Variants in DLG2 observed in about 807,000 individuals in gnomAD.
The protein encoded by DLG2 is disks large homolog 2.
DLG2 carries 45 observed loss-of-function variants against 132.5 expected under a neutral mutation model. The observed-to-expected ratio is 0.34, with a 90% confidence interval of 0.27 to 0.44. The LOEUF (loss-of-function observed/expected upper bound fraction) is 0.44, where lower values mean the gene tolerates loss of function less well. Among genes scored for constraint, DLG2 ranks in the 20% least tolerant of loss-of-function variants. The pLI, the probability that DLG2 is intolerant of heterozygous loss-of-function variation, is 1.00. For missense variants in DLG2, 1,045 were observed against 1,196.9 expected (o/e 0.87, Z 1.87); for synonymous variants, 424 against 419.6 (o/e 1.01, Z -0.13).
intron 3 of DLG2, among the ~76,000 whole-genome samples, chr11:85,466,133 G>A (rs1436913566): frequency 5.9e-5 from 9 of 152,120 alleles, no homozygotes; most frequent in Admixed American, 5.9e-4. Flanking sequence ...AATATCCTTT[G>A]CCCACTTTTT....
intron 7 of DLG2, among the ~76,000 whole-genome samples, chr11:84,304,093 T>C (rs550141246): frequency 1.4e-4 from 22 of 152,178 alleles, no homozygotes; most frequent in African/African-American, 2.7e-4. Flanking sequence ...AAGTGATAAA[T>C]TGTGCAGGTT....
chr11:83,859,824 G>C (rs1350254647), intron 16 of DLG2, among the ~76,000 whole-genome samples: 6 of 152,240 alleles, frequency 3.9e-5, no homozygotes, highest in Non-Finnish European at 8.8e-5. Context: ...GGGAAAAAAT[G>C]GTTTTGTCGG....
chr11:83,508,282 G>A (rs1027599356), intron 21 of DLG2, among the ~76,000 whole-genome samples: 93 of 150,750 alleles, frequency 6.2e-4, no homozygotes, highest in African/African-American at 2.1e-3. Context: ...TCAAGCCCAG[G>A]TTGGAGTGCA....
At chr11:83,972,381 G>C (rs2091493926) in intron 12 of DLG2, among the ~76,000 whole-genome samples, 1 of 152,092 alleles carries the variant, frequency 6.6e-6, no homozygotes, top group African/African-American at 2.4e-5. Flanking sequence ...AAAAGACTCT[G>C]TATGATATAA....
chr11:85,243,927 T>G (rs528385138), intron 4 of DLG2, among the ~76,000 whole-genome samples: 1 of 152,130 alleles, frequency 6.6e-6, no homozygotes, highest in African/African-American at 2.4e-5. Context: ...TTCCTAACCA[T>G]TTTAGTCTAA....
intron 15 of DLG2, among the ~76,000 whole-genome samples, chr11:83,901,535 G>A (rs979087932): frequency 6.6e-6 from 1 of 152,112 alleles, no homozygotes; most frequent in African/African-American, 2.4e-5. Flanking sequence ...CCTTGTACAA[G>A]CTCTCTCTTC....
intron 6 of DLG2, among the ~76,000 whole-genome samples, chr11:85,064,176 G>C (rs1229519453): frequency 6.6e-6 from 1 of 151,680 alleles, no homozygotes; most frequent in Non-Finnish European, 1.5e-5. Context: ...ATTTTCAGAG[G>C]ATCTGTCCAG....
chr11:85,095,701 C>A (rs1042094026), intron 6 of DLG2, among the ~76,000 whole-genome samples: 1 of 152,184 alleles, frequency 6.6e-6, no homozygotes, highest in African/African-American at 2.4e-5. Flanking sequence ...CACTACCATA[C>A]CTAAAATGAA....
At chr11:83,669,791 C>A (rs1341004491) in intron 18 of DLG2, among the ~76,000 whole-genome samples, 1 of 152,158 alleles carries the variant, frequency 6.6e-6, no homozygotes, top group African/African-American at 2.4e-5. Flanking sequence ...GCACCCAGAA[C>A]AGTGCTAAAC....
At chr11:85,574,452 T>C (rs917652812) in intron 3 of DLG2, among the ~76,000 whole-genome samples, 1 of 151,984 alleles carries the variant, frequency 6.6e-6, no homozygotes, top group Non-Finnish European at 1.5e-5. Flanking sequence ...GACTCCTCCT[T>C]GACTCTTCTG....
chr11:83,511,087 G>GAC (rs60156321), intron 21 of DLG2, among the ~76,000 whole-genome samples: 6,544 of 138,514 alleles, frequency 0.047, 195 homozygotes, highest in South Asian at 0.14. Context: ...CACACACACA[G>GAC]ACACACACAC....
chr11:85,555,172 C>T (rs1220499969), intron 3 of DLG2, among the ~76,000 whole-genome samples: 3 of 151,828 alleles, frequency 2.0e-5, no homozygotes, highest in East Asian at 3.9e-4. Flanking sequence ...CAGGCAATTA[C>T]ATAATTTACT....
At chr11:84,704,393 A>G (rs566220127) in intron 6 of DLG2, among the ~76,000 whole-genome samples, 33 of 151,714 alleles carry the variant, frequency 2.2e-4, no homozygotes, top group Non-Finnish European at 3.7e-4. Flanking sequence ...TTTGAAGACC[A>G]GCTTAGCCCA....
chr11:83,561,892 T>C lies in DLG2; in HGVS notation c.1941-20034A>G, dbSNP rs1054887150. Among the ~76,000 whole-genome samples the C allele has an allele frequency of 4.3e-4, 60 of 137,998 alleles. No individual in the cohort carries two copies. In the East Asian group the frequency reaches 0.011, roughly 24 times the overall value. The allele number at this position is 137,998 out of a possible 152,430, so 90.5% of individuals were successfully genotyped here. A position where few individuals can be genotyped will look rare whatever the true frequency, so the allele number is the denominator to read the frequency against. On this transcript the variant is annotated intron_variant, in intron 19 of 27. Transcript: ENST00000376104. Reference sequence around the variant, plus strand: ...GACTTAGTATTTCTTTCTTTTTTTTTTTTTTTTTTTTTTTTGAGATGGAGT... The same window carrying C: ...GACTTAGTATTTCTTTCTTTTTTTTCTTTTTTTTTTTTTTTGAGATGGAGT...
intron 6 of DLG2, among the ~76,000 whole-genome samples, chr11:84,629,893 TCTA>T (rs1309216245): frequency 6.6e-6 from 1 of 152,106 alleles, no homozygotes; most frequent in Non-Finnish European, 1.5e-5. Flanking sequence ...AATAAGTTCC[TCTA>T]CTTTTTTCTC....
At chr11:84,586,370 T>A (rs541512199) in intron 6 of DLG2, among the ~76,000 whole-genome samples, 1 of 152,308 alleles carries the variant, frequency 6.6e-6, no homozygotes, top group South Asian at 2.1e-4. Context: ...TGCCTGACAT[T>A]TATAAAGTAC....
chr11:85,279,404 A>G (rs2078094947), intron 4 of DLG2, among the ~76,000 whole-genome samples: 1 of 152,108 alleles, frequency 6.6e-6, no homozygotes, highest in Admixed American at 6.6e-5. Context: ...GAGAAAGGAA[A>G]CAGAAGGGAA....
At chr11:85,257,181 C>T (rs11234326) in intron 4 of DLG2, among the ~76,000 whole-genome samples, 4 of 152,064 alleles carry the variant, frequency 2.6e-5, no homozygotes, top group African/African-American at 9.7e-5. Flanking sequence ...GACACATTTA[C>T]TTAGTTATGG....
intron 3 of DLG2, among the ~76,000 whole-genome samples, chr11:85,337,592 A>T (rs947001734): frequency 6.6e-6 from 1 of 152,144 alleles, no homozygotes; most frequent in Non-Finnish European, 1.5e-5. Context: ...CATCTCTAAA[A>T]CTTTATTATT....
Sources: allele counts gnomAD v4.1 joint callset (sites outside exome capture counted in the v4.1 genomes callset), GRCh38; gene constraint gnomAD v4.1.1; transcripts MANE v1.5; gene names NCBI Gene and HGNC (gene_info 2026-07-23, HGNC 2026-07-21).